PHF19: variants seen among roughly 807,000 people sequenced by gnomAD.
PHF19 encodes the protein PHD finger protein 19, also known as polycomb like 3.
In PHF19, 21 loss-of-function variants were observed where a neutral mutation model predicts 79.8. That is an observed-to-expected ratio of 0.26 (90% CI 0.19 to 0.38). The LOEUF is 0.38. Ranked by LOEUF, PHF19 falls within the 10% of genes least tolerant of loss-of-function variation. PHF19 has a pLI of 1.00. For missense variants in PHF19, 445 were observed against 744.2 expected (o/e 0.60, Z 4.68); for synonymous variants, 273 against 296.3 (o/e 0.92, Z 0.81).
At chr9:120,881,239 C>T (rs1489108563), upstream of PHF19, among the ~76,000 whole-genome samples, 1 of 151,624 alleles carries the variant, frequency 6.6e-6, no homozygotes, top group African/African-American at 2.4e-5. Context: ...CCTCCGCCTC[C>T]CGGGTTCACG....
intron 6 of PHF19, chr9:120,868,745 A>G (rs913901561): frequency 1.1e-5 from 8 of 717,076 alleles, no homozygotes; most frequent in Non-Finnish European, 1.2e-5. Context: ...CCTGTTCCCG[A>G]GGCCTTACTA....
intron 8 of PHF19, 30 bp downstream of exon 8, chr9:120,865,998 C>G (rs770084153): frequency 1.9e-6 from 3 of 1,589,370 alleles, no homozygotes. Context: ...GGAGGAGCAG[C>G]GGTGGTTGGA....
At chr9:120,901,001 GC>G in the PHF19 span, among the ~76,000 whole-genome samples, 1 of 152,244 alleles carries the variant, frequency 6.6e-6, no homozygotes, top group Admixed American at 6.5e-5. Context: ...CTGTGAGCAA[GC>G]TTGTATGGCA....
Position 120,857,751 on chromosome 9 carries a change from C to G in PHF19, c.*193G>C. On this transcript the variant is annotated 3_prime_UTR_variant, in exon 15 of 15. Transcript: ENST00000373896. ...CACAGGGGTAACGAGCCTGAGGAGG[C>G]CCTGGAACAGAGCTGGTACAGCAGA... The G allele has an allele frequency of 1.9e-6, 1 of 534,406 alleles. No individual in the cohort carries two copies. The highest frequency in any genetic ancestry group is 3.4e-5 in the Admixed American group (1 of 29,782). The allele number at this position is 534,406 out of a possible 1,614,324, so 33.1% of individuals were successfully genotyped here.
chr9:120,898,044 T>C (rs2046416215), upstream of PHF19, among the ~76,000 whole-genome samples: 1 of 150,802 alleles, frequency 6.6e-6, no homozygotes, highest in Non-Finnish European at 1.5e-5. Flanking sequence ...TGAAATCTGG[T>C]GTATATTTCA....
chr9:120,883,719 G>A lies in PHF19; in HGVS notation c.43-8963C>T, dbSNP rs756228272. Reference sequence around the variant, plus strand: ...GGTTGCAGTGAGCTGAGATCACACCGTGCACTCCAGCAGCCTGGGTGACAG... The same window carrying A: ...GGTTGCAGTGAGCTGAGATCACACCATGCACTCCAGCAGCCTGGGTGACAG... On this transcript the variant is annotated intron_variant, in intron 1 of 14. Coordinates refer to the PHF19 transcript ENST00000616568. Among the ~76,000 whole-genome samples, 5 of 143,298 alleles carry A rather than the reference G, an allele frequency of 3.5e-5. 1 individual carries two copies. The highest frequency in any genetic ancestry group is 2.0e-4 in the East Asian group (1 of 4,890). 94.0% of individuals were successfully genotyped at this position (143,298 alleles called of 152,430 possible). A position where few individuals can be genotyped will look rare whatever the true frequency, so the allele number is the denominator to read the frequency against.
rs2046386183 is a variant in PHF19, at chr9:120,894,822, A to G, written c.8T>C (p.Val3Ala). The G allele has an allele frequency of 6.5e-6, 8 of 1,230,166 alleles. No individual in the cohort carries two copies. The South Asian group carries it at 2.5e-4, about 38-fold the overall frequency. 76.2% of individuals were successfully genotyped at this position (1,230,166 alleles called of 1,614,324 possible). Residue 3 changes from valine to alanine, a missense_variant, in exon 1 of 15, where the codon GTC becomes GCC. Transcript: ENST00000616568. ...GGGATAGGGACCACGGATTACCAAG[A>G]CCAGCATAGTGCAGGGCACGTAGGA... is the stretch of plus-strand genomic sequence containing the variant.
chr9:120,895,624 C>G (rs1398005359), upstream of PHF19, among the ~76,000 whole-genome samples: 1 of 152,032 alleles, frequency 6.6e-6, no homozygotes, highest in African/African-American at 2.4e-5. Flanking sequence ...TAAAGAGAAG[C>G]CTGTGACTTT....
upstream of PHF19, among the ~76,000 whole-genome samples, chr9:120,881,664 A>C (rs1454110105): frequency 2.6e-5 from 4 of 152,190 alleles, no homozygotes. Flanking sequence ...AGGAGATTGC[A>C]GCAGAGGAGG....
intron 1 of PHF19, among the ~76,000 whole-genome samples, chr9:120,894,387 C>T (rs992868514): frequency 3.0e-4 from 46 of 152,192 alleles, no homozygotes; most frequent in African/African-American, 1.1e-3. Flanking sequence ...CCTCTCTTTG[C>T]CTCTGTCTGC....
the PHF19 span, chr9:120,902,851 T>C: frequency 4.6e-5 from 7 of 152,248 alleles, no homozygotes; most frequent in Non-Finnish European, 7.3e-5. Context: ...ACATCTTGCC[T>C]TTCTCCCTTC....
At chr9:120,894,812 G>A (rs574817671) in exon 1 of PHF19, 14 of 1,230,580 alleles carry the variant, frequency 1.1e-5, no homozygotes, top group Middle Eastern at 3.1e-4. Flanking sequence ...AGGGACCACG[G>A]ATTACCAAGA....
Position 120,874,007 on chromosome 9 carries a change from G to A in PHF19, c.240C>T (p.Tyr80=), listed in dbSNP as rs755406351. The change falls in exon 3 of 15, where the codon TAC becomes TAT. Residue 80 remains tyrosine (Y), a synonymous_variant. Transcript: ENST00000373896. This position sits in a 1 kb window ranked among gnomAD's most constrained non-coding sequence, Gnocchi z 4.5. ...GCTGTATGTCCTTCCATAGGACCCAGTATTTGGAATTATCTTCGAAAGTCA... is the reference window on the plus strand; with the variant it reads ...GCTGTATGTCCTTCCATAGGACCCAATATTTGGAATTATCTTCGAAAGTCA... ...CLVTFEDNSK[Y]WVLWKDIQHA... The A allele has an allele frequency of 1.9e-6, 3 of 1,606,178 alleles. No individual in the cohort carries two copies. The highest frequency in any genetic ancestry group is 1.7e-6 in the Non-Finnish European group (2 of 1,173,190).
At chr9:120,884,902 G>A (rs1289043079) in intron 1 of PHF19, among the ~76,000 whole-genome samples, 2 of 151,868 alleles carry the variant, frequency 1.3e-5, no homozygotes, top group African/African-American at 2.4e-5. Context: ...GCCTAGGAGC[G>A]AGACTCTGTC....
rs2045349739 is a variant in PHF19 at position 120,855,733 on chromosome 9, A to G, written c.*2211T>C. 1 of 152,704 alleles carries G rather than the reference A, an allele frequency of 6.5e-6. No individual in the cohort carries two copies. The highest frequency in any genetic ancestry group is 6.5e-5 in the Admixed American group (1 of 15,292). The allele number at this position is 152,704 out of a possible 1,614,324, so 9.5% of individuals were successfully genotyped here. The stretch of plus-strand genomic sequence containing the variant: ...CAAATGTTATTAAAAGCAGCAATTA[A>G]AAACCATGAATCTTTTTGAAGGTGC... On this transcript the variant is annotated 3_prime_UTR_variant, in exon 15 of 15. Transcript: ENST00000373896.
At chr9:120,884,297 T>C (rs2046233073) in intron 1 of PHF19, among the ~76,000 whole-genome samples, 1 of 152,246 alleles carries the variant, frequency 6.6e-6, no homozygotes, top group African/African-American at 2.4e-5. Context: ...GGTGTCATTT[T>C]ATTAATGAAC....
Position 120,874,580 on chromosome 9 carries a change from C to A in PHF19, c.162G>T (p.Leu54=). 3 of 1,612,628 alleles carry A rather than the reference C, an allele frequency of 1.9e-6. No homozygotes were observed. The highest frequency in any genetic ancestry group is 2.5e-6 in the Non-Finnish European group (3 of 1,178,644). ...CCCTCTTGATCTTCCCGAGGTAGTA[C>A]AGGCCATCTGTCCACCGGCACAGCA... ...QYVLCRWTDG[L]YYLGKIKRVS... Residue 54 remains leucine (L), a synonymous_variant, in exon 2 of 15, where the codon CTG becomes CTT. Coordinates refer to ENST00000373896, the MANE Select transcript of PHF19 (RefSeq NM_015651.3). This position sits in a 1 kb window ranked among gnomAD's most constrained non-coding sequence, Gnocchi z 4.5.
intron 1 of PHF19, among the ~76,000 whole-genome samples, chr9:120,892,409 A>T (rs936483083): frequency 6.6e-6 from 1 of 152,032 alleles, no homozygotes; most frequent in Non-Finnish European, 1.5e-5. Flanking sequence ...TGCAATTGGG[A>T]GGCTGTTTGG....
chr9:120,903,422 G>A, the PHF19 span: 1 of 152,358 alleles, frequency 6.6e-6, no homozygotes, highest in Non-Finnish European at 1.5e-5. Context: ...CTGACCCATT[G>A]AGACTGCCGT....
Sources: gnomAD v4.1 joint callset for allele counts (sites outside exome capture counted in the v4.1 genomes callset) on GRCh38, gnomAD v4.1.1 for gene constraint, Gnocchi (gnomAD v3.1) non-coding constraint, MANE v1.5 for transcripts, NCBI Gene and HGNC (gene_info 2026-07-23, HGNC 2026-07-21) for gene names.